The following XPO6 variants were observed in gnomAD, a reference collection of about 807,000 sequenced individuals.
XPO6 encodes exportin-6.
XPO6 carries 3 observed loss-of-function variants against 130.0 expected under a neutral mutation model. The observed-to-expected ratio is 0.02, with a 90% CI of 0.01 to 0.06. XPO6 has a LOEUF of 0.06. Among genes scored for constraint, XPO6 ranks in the 10% least tolerant of loss-of-function variants. XPO6 has a pLI of 1.00. For synonymous variants in XPO6, 524 were observed against 548.9 expected (o/e 0.95, Z 0.63); for missense variants, 970 against 1,393.0 (o/e 0.70, Z 4.83).
At chr16:28,118,205 T>TTTA (rs1459318551) in intron 14 of XPO6, among the ~76,000 whole-genome samples, 1 of 152,222 alleles carries the variant, frequency 6.6e-6, no homozygotes, top group Non-Finnish European at 1.5e-5. Context: ...GGTTTGGGCA[T>TTTA]TTATTAACGA....
chr16:28,197,394 T>C (rs2141900099), intron 1 of XPO6, among the ~76,000 whole-genome samples: 1 of 152,268 alleles, frequency 6.6e-6, no homozygotes, highest in East Asian at 1.9e-4. Flanking sequence ...AAGGGATCTG[T>C]CTCCTATAAA....
intron 9 of XPO6, among the ~76,000 whole-genome samples, chr16:28,139,689 T>C (rs1453678997): frequency 6.6e-6 from 1 of 152,006 alleles, no homozygotes; most frequent in Non-Finnish European, 1.5e-5. Context: ...TGTGGTAAAA[T>C]GTGACTCTGA....
At position 28,106,263 on chromosome 16, in the gene XPO6, G is replaced by A. The variant is rs1469033258; in HGVS notation, c.2613-49C>T. The A allele has an allele frequency of 3.1e-6, 5 of 1,607,944 alleles. No individual in the cohort carries two copies. The highest frequency in any genetic ancestry group is 1.7e-4 in the Middle Eastern group (1 of 6,034). ...TGAGCAACCACATGTTTCTCTGGGG[G>A]CCAGCATGAAAACCCATGCTGTGGC... On this transcript the variant is annotated intron_variant, in intron 19 of 23. Transcript: ENST00000304658. This position sits in a 1 kb window ranked among gnomAD's most constrained non-coding sequence, Gnocchi z 4.2.
intron 12 of XPO6, among the ~76,000 whole-genome samples, chr16:28,130,246 G>C (rs187701929): frequency 1.3e-5 from 2 of 152,236 alleles, no homozygotes; most frequent in Non-Finnish European, 2.9e-5. Context: ...TGTCATACAC[G>C]GTCACAGCAC....
chr16:28,143,765 T>G (rs777283404), intron 9 of XPO6, among the ~76,000 whole-genome samples: 4 of 152,108 alleles, frequency 2.6e-5, no homozygotes, highest in Non-Finnish European at 5.9e-5. Flanking sequence ...GCCTCCCAAG[T>G]AGCTGGGATT....
At chr16:28,122,429 C>G (rs979472159) in intron 13 of XPO6, among the ~76,000 whole-genome samples, 3 of 152,044 alleles carry the variant, frequency 2.0e-5, no homozygotes, top group African/African-American at 7.3e-5. Context: ...CAAGACCAGC[C>G]TGGACAACAA....
At chr16:28,161,060 A>G (rs2043270330) in intron 6 of XPO6, among the ~76,000 whole-genome samples, 1 of 152,206 alleles carries the variant, frequency 6.6e-6, no homozygotes, top group Non-Finnish European at 1.5e-5. Context: ...CTCCACACAG[A>G]TATGCAACTA....
chr16:28,107,011 G>C (rs1464990039), intron 18 of XPO6, among the ~76,000 whole-genome samples: 1 of 152,242 alleles, frequency 6.6e-6, no homozygotes, highest in Non-Finnish European at 1.5e-5. Context: ...TTCACTTCCA[G>C]ATCTCAACAA....
At chr16:28,173,644 C>A (rs1034152282) in intron 4 of XPO6, among the ~76,000 whole-genome samples, 1 of 152,166 alleles carries the variant, frequency 6.6e-6, no homozygotes, top group Non-Finnish European at 1.5e-5. Flanking sequence ...CCCAAACCTG[C>A]TGCCTCACAG....
chr16:28,114,916 T>C (rs2087017640), intron 15 of XPO6, among the ~76,000 whole-genome samples: 1 of 152,242 alleles, frequency 6.6e-6, no homozygotes, highest in African/African-American at 2.4e-5. Context: ...TCTTCACCAG[T>C]TGATTCCATC....
At chr16:28,167,142 G>A (rs2043369892) in intron 5 of XPO6, 1 of 985,100 alleles carries the variant, frequency 1.0e-6, no homozygotes, top group African/African-American at 1.7e-5. Flanking sequence ...AGCCTCTCAA[G>A]TCTCCTGTTC....
chr16:28,137,160 G>C (rs916960980), intron 9 of XPO6, among the ~76,000 whole-genome samples: 1 of 152,190 alleles, frequency 6.6e-6, no homozygotes, highest in Non-Finnish European at 1.5e-5. Flanking sequence ...CTCCTCAAAG[G>C]AATGGTCCCA....
In XPO6 at chr16:28,169,904, G is replaced by A. The variant is rs138496701; in HGVS notation, c.411C>T (p.Ile137=). 9.0e-4 allele frequency: 1,452 copies of A among 1,614,056 alleles called. 22 individuals carry two copies. The East Asian group carries it at 0.024, about 27-fold the overall frequency. Residue 137 remains isoleucine, a synonymous_variant, in exon 5 of 24, where the codon ATC becomes ATT. Transcript: ENST00000304658. ...HDFFTNILQL[I]QSPVTTPLGL... is the part of the protein sequence containing the mutation. The stretch of plus-strand genomic sequence containing the variant: ...CAAGGGGGGTTGTCACAGGGGACTG[G>A]ATCAACTGCCAGGAAAAAGCATGTT...
At chr16:28,107,928 T>A (rs2086823323) in intron 17 of XPO6, among the ~76,000 whole-genome samples, 1 of 152,152 alleles carries the variant, frequency 6.6e-6, no homozygotes, top group Non-Finnish European at 1.5e-5. Flanking sequence ...CCTGCCTGCC[T>A]GCTTGCTCAG....
At chr16:28,155,819 G>T in intron 7 of XPO6, 1 of 850,732 alleles carries the variant, frequency 1.2e-6, no homozygotes, top group Non-Finnish European at 1.6e-6. Flanking sequence ...TAGAAGGGAG[G>T]ACAGGAGATG....
In XPO6 at chr16:28,132,513, C is replaced by T. The variant is rs1199402690; in HGVS notation, c.1537-110G>A. ...GTAACTATGGTGTGAGGAACAGGATCAAAACCTTTTCTCTGGGAACCTTTA... is the reference window on the plus strand; with the variant it reads ...GTAACTATGGTGTGAGGAACAGGATTAAAACCTTTTCTCTGGGAACCTTTA... On this transcript the variant is annotated intron_variant, in intron 11 of 23. Transcript: ENST00000304658. This position sits in a 1 kb window ranked among gnomAD's most constrained non-coding sequence, Gnocchi z 4.0. 2 of 716,442 alleles carry T rather than the reference C, an allele frequency of 2.8e-6. No individual in the cohort carries two copies. Among genetic ancestry groups the T allele is most frequent in the East Asian group, 6.1e-5 (2 of 33,024 alleles). The allele number at this position is 716,442 out of a possible 1,614,324, so 44.4% of individuals were successfully genotyped here.
intron 8 of XPO6, 123 bp downstream of exon 8, chr16:28,152,536 T>C: frequency 8.2e-7 from 1 of 1,218,044 alleles, no homozygotes. Flanking sequence ...CCTGTGACTC[T>C]TCACATAATA....
chr16:28,102,191 C>A (rs780061799), intron 21 of XPO6, among the ~76,000 whole-genome samples: 1 of 152,132 alleles, frequency 6.6e-6, no homozygotes, highest in Non-Finnish European at 1.5e-5. Context: ...CATCACAGGA[C>A]CTGGCTTTGA....
rs1199255626 is a variant in XPO6 at position 28,098,537 on chromosome 16, C to T, written c.*1G>A. ...GTCCGTGTCCCCAGGCAGTAGCAGG[C>T]CTAGAGCTTCACAGTGCCAGGGGGC... is the stretch of plus-strand genomic sequence containing the variant. On this transcript the variant is annotated 3_prime_UTR_variant, in exon 24 of 24. Coordinates refer to ENST00000304658, the MANE Select transcript of XPO6 (RefSeq NM_015171.4). 1 of 1,609,556 alleles carries T rather than the reference C, an allele frequency of 6.2e-7. No individual in the cohort carries two copies. Among genetic ancestry groups the T allele is most frequent in the Non-Finnish European group, 8.5e-7 (1 of 1,177,200 alleles).
Sources: allele counts gnomAD v4.1 joint callset (sites outside exome capture counted in the v4.1 genomes callset), GRCh38; gene constraint gnomAD v4.1.1; non-coding constraint Gnocchi (gnomAD v3.1); transcripts MANE v1.5; gene names NCBI Gene and HGNC (gene_info 2026-07-23, HGNC 2026-07-21).